The following CCDC178 variants were observed in gnomAD, a reference collection of about 807,000 sequenced individuals.
CCDC178 encodes the protein coiled-coil domain-containing protein 178.
In CCDC178, 126 loss-of-function variants were observed where a neutral mutation model predicts 117.4. The ratio of observed to expected loss-of-function variants is 1.07; its 90% CI spans 0.93 to 1.24. The LOEUF (loss-of-function observed/expected upper bound fraction) is 1.24, where lower values mean the gene tolerates loss of function less well. CCDC178 is among the 50% of genes most tolerant of loss of function. CCDC178 has a pLI of 0.00. For synonymous variants in CCDC178, 283 were observed against 313.4 expected, an observed-to-expected ratio of 0.90 and a Z score of 1.02; for missense variants, 1,030 against 986.9, an observed-to-expected ratio of 1.04 and a Z score of -0.59.
At chr18:32,943,578 T>C (rs2144595753) in intron 22 of CCDC178, among the ~76,000 whole-genome samples, 1 of 152,344 alleles carries the variant, frequency 6.6e-6, no homozygotes, top group South Asian at 2.1e-4. Flanking sequence ...AGCAGGAGTT[T>C]AATCCTACTT....
At chr18:32,954,325 C>G (rs1458459031) in intron 22 of CCDC178, among the ~76,000 whole-genome samples, 1 of 151,878 alleles carries the variant, frequency 6.6e-6, no homozygotes, top group South Asian at 2.1e-4. Context: ...AATCATGAAC[C>G]CTTCTTACAA....
intron 5 of CCDC178, among the ~76,000 whole-genome samples, chr18:33,383,182 G>A (rs371217516): frequency 6.6e-6 from 1 of 152,178 alleles, no homozygotes; most frequent in Admixed American, 6.5e-5. Context: ...CCTCTCTGCA[G>A]GAGGTCCAGC....
chr18:33,420,818 G>C (rs2064014567), intron 2 of CCDC178, among the ~76,000 whole-genome samples: 1 of 151,818 alleles, frequency 6.6e-6, no homozygotes, highest in Non-Finnish European at 1.5e-5. Context: ...ATTATAAAAA[G>C]CTTAAAATAA....
intron 12 of CCDC178, among the ~76,000 whole-genome samples, chr18:33,277,458 T>C (rs1203971340): frequency 6.6e-6 from 1 of 152,186 alleles, no homozygotes; most frequent in Non-Finnish European, 1.5e-5. Context: ...TATCATCTTA[T>C]TGACTTAAAA....
At chr18:32,989,002 C>T (rs1024035396) in intron 21 of CCDC178, among the ~76,000 whole-genome samples, 1 of 152,000 alleles carries the variant, frequency 6.6e-6, no homozygotes, top group South Asian at 2.1e-4. Flanking sequence ...ACACTTGGCT[C>T]TGAAAGTTTT....
chr18:33,400,307 A>G (rs1478922483), intron 3 of CCDC178, among the ~76,000 whole-genome samples: 1 of 152,128 alleles, frequency 6.6e-6, no homozygotes, highest in Admixed American at 6.5e-5. Flanking sequence ...CAGTTGCATT[A>G]GTTTCTGACA....
At chr18:33,365,500 A>C (rs1369613037) in intron 6 of CCDC178, among the ~76,000 whole-genome samples, 1 of 152,110 alleles carries the variant, frequency 6.6e-6, no homozygotes, top group African/African-American at 2.4e-5. Context: ...CTGCAACTGG[A>C]AATAATGGCA....
chr18:33,082,127 A>T (rs1194156538), intron 21 of CCDC178, among the ~76,000 whole-genome samples: 1 of 152,132 alleles, frequency 6.6e-6, no homozygotes, highest in Non-Finnish European at 1.5e-5. Flanking sequence ...ACCTCCCAAA[A>T]TCAATTAATT....
intron 20 of CCDC178, among the ~76,000 whole-genome samples, chr18:33,179,123 T>C (rs1598967800): frequency 9.9e-6 from 1 of 100,650 alleles, no homozygotes; most frequent in East Asian, 2.2e-4. Context: ...TATATATATA[T>C]ATATAAACTA....
At chr18:33,195,935 A>G in intron 20 of CCDC178, among the ~76,000 whole-genome samples, 1 of 152,172 alleles carries the variant, frequency 6.6e-6, no homozygotes, top group Non-Finnish European at 1.5e-5. Flanking sequence ...TTTCTTGAGT[A>G]ATTATTTGTG....
intron 15 of CCDC178, among the ~76,000 whole-genome samples, chr18:33,244,346 G>T (rs2059522238): frequency 6.6e-6 from 1 of 151,920 alleles, no homozygotes; most frequent in Non-Finnish European, 1.5e-5. Context: ...GTGCAGTAAA[G>T]TGGGGTGGAC....
Position 33,333,237 on chromosome 18 carries a change from T to C in CCDC178, c.816A>G (p.Leu272=), listed in dbSNP as rs760265653. 19 of 1,613,206 alleles carry C rather than the reference T, an allele frequency of 1.2e-5. No individual in the cohort carries two copies. The South Asian group carries it at 1.9e-4, about 16-fold the overall frequency. Reference sequence around the variant, plus strand: ...GTTCCTGATTCTGCTTAGAGTCCAGTAGAGGGCCATGTTCATTCATGTAGT... The same window carrying C: ...GTTCCTGATTCTGCTTAGAGTCCAGCAGAGGGCCATGTTCATTCATGTAGT... The part of the protein sequence containing the change: ...DIDYMNEHGP[L]LDSKQNQELQ... Residue 272 remains leucine (L), a synonymous_variant, in exon 10 of 23, where the codon CTA becomes CTG. Transcript: ENST00000383096.
intron 22 of CCDC178, among the ~76,000 whole-genome samples, chr18:32,942,488 T>G (rs886103510): frequency 1.3e-5 from 2 of 151,990 alleles, no homozygotes; most frequent in African/African-American, 4.8e-5. Flanking sequence ...CATGGAAAGT[T>G]TTTTTCCCCA....
At chr18:33,397,059 GA>G (rs2063647755) in intron 4 of CCDC178, 89 bp downstream of exon 4, 9 of 824,508 alleles carry the variant, frequency 1.1e-5, no homozygotes, top group Non-Finnish European at 1.8e-5. Context: ...AAGAATGCCT[GA>G]AATTATTTTC....
chr18:33,159,095 A>C (rs1340842160), intron 20 of CCDC178, among the ~76,000 whole-genome samples: 1 of 152,120 alleles, frequency 6.6e-6, no homozygotes, highest in Non-Finnish European at 1.5e-5. Flanking sequence ...AATACGGAAT[A>C]ATAGAGGCCA....
At chr18:33,380,730 C>T (rs1259319850) in intron 5 of CCDC178, among the ~76,000 whole-genome samples, 12 of 152,218 alleles carry the variant, frequency 7.9e-5, no homozygotes, top group Non-Finnish European at 1.2e-4. Context: ...GGTGGATTCT[C>T]ATATTCCTTC....
chr18:33,289,695 CAGAT>C (rs1367575121), intron 12 of CCDC178, among the ~76,000 whole-genome samples: 1 of 151,828 alleles, frequency 6.6e-6, no homozygotes, highest in East Asian at 1.9e-4. Context: ...GTCTAACGAA[CAGAT>C]AGAGTTGTGT....
intron 20 of CCDC178, among the ~76,000 whole-genome samples, chr18:33,209,924 A>G (rs1185784708): frequency 2.0e-5 from 3 of 152,020 alleles, no homozygotes; most frequent in Non-Finnish European, 2.9e-5. Context: ...ACAGACAGAG[A>G]GAGAGAGAGA....
intron 20 of CCDC178, among the ~76,000 whole-genome samples, chr18:33,179,095 ATATATATATATATAAAC>A (rs1324119250): frequency 9.9e-5 from 11 of 111,658 alleles, no homozygotes; most frequent in East Asian, 2.3e-4. Context: ...ATATATATAT[ATATATATATATATAAAC>A]TATATATATA....
Sources: gnomAD v4.1 joint callset for allele counts (sites outside exome capture counted in the v4.1 genomes callset) on GRCh38, gnomAD v4.1.1 for gene constraint, MANE v1.5 for transcripts, NCBI Gene and HGNC (gene_info 2026-07-23, HGNC 2026-07-21) for gene names.